Variants in GALNT17 observed in about 807,000 individuals in gnomAD.
The protein encoded by GALNT17 is polypeptide N-acetylgalactosaminyltransferase 17.
A neutral mutation model predicts 63.7 loss-of-function variants in GALNT17; 29 were observed. The observed-to-expected ratio is 0.46, with a 90% CI of 0.34 to 0.62. The LOEUF (loss-of-function observed/expected upper bound fraction) is 0.62. Among genes scored for constraint, GALNT17 ranks in the 20% least tolerant of loss-of-function variants. The pLI, the probability that GALNT17 is intolerant of heterozygous loss-of-function variation, is 0.01. For synonymous variants in GALNT17, 305 were observed against 318.3 expected, an observed-to-expected ratio of 0.96 and a Z score of 0.45; for missense variants, 603 against 799.6, an observed-to-expected ratio of 0.75 and a Z score of 2.97.
intron 1 of GALNT17, among the ~76,000 whole-genome samples, chr7:71,329,780 G>A (rs1791771230): frequency 6.6e-6 from 1 of 151,890 alleles, no homozygotes; most frequent in Non-Finnish European, 1.5e-5. Flanking sequence ...CTCCCATCAG[G>A]TCCCTACCCC....
intron 6 of GALNT17, among the ~76,000 whole-genome samples, chr7:71,620,814 C>T (rs539083369): frequency 4.6e-5 from 7 of 152,302 alleles, no homozygotes; most frequent in Non-Finnish European, 8.8e-5. Flanking sequence ...CTGACCTCTT[C>T]AGCTATTCTG....
intron 6 of GALNT17, among the ~76,000 whole-genome samples, chr7:71,580,531 C>G (rs1053199603): frequency 3.3e-5 from 5 of 152,040 alleles, no homozygotes; most frequent in Non-Finnish European, 7.4e-5. Context: ...TTTCTTTTTA[C>G]TAAAAAGATA....
chr7:71,298,166 G>A (rs151261173), intron 1 of GALNT17, among the ~76,000 whole-genome samples: 1,994 of 152,132 alleles, frequency 0.013, 14 homozygotes, highest in Non-Finnish European at 0.018. Flanking sequence ...GATTACAGGC[G>A]TGCGCCACCA....
At chr7:71,514,017 C>A (rs755642098) in intron 5 of GALNT17, among the ~76,000 whole-genome samples, 14 of 152,074 alleles carry the variant, frequency 9.2e-5, no homozygotes, top group Non-Finnish European at 1.6e-4. Context: ...TACAGCAAGA[C>A]TGTCTCTACA....
At chr7:71,434,410 A>G (rs1275200148) in intron 5 of GALNT17, among the ~76,000 whole-genome samples, 2 of 152,158 alleles carry the variant, frequency 1.3e-5, no homozygotes, top group African/African-American at 2.4e-5. Context: ...GGTCAATTGC[A>G]GTGTGTTGTG....
chr7:71,151,538 G>A (rs937138066), intron 1 of GALNT17, among the ~76,000 whole-genome samples: 2 of 151,384 alleles, frequency 1.3e-5, no homozygotes, highest in Non-Finnish European at 2.9e-5. Flanking sequence ...GGAGAATGGC[G>A]TGAACCCAGG....
chr7:71,213,270 C>A (rs1660478077), intron 1 of GALNT17, among the ~76,000 whole-genome samples: 1 of 152,136 alleles, frequency 6.6e-6, no homozygotes, highest in South Asian at 2.1e-4. Context: ...CTCTTGCTGC[C>A]ACCATGTAAG....
At chr7:71,593,259 C>CTTTTT (rs56193714) in intron 6 of GALNT17, among the ~76,000 whole-genome samples, 1 of 70,992 alleles carries the variant, frequency 1.4e-5, no homozygotes, top group African/African-American at 5.6e-5. Context: ...ATTTTTCTTC[C>CTTTTT]TTTTTTTTTT....
rs148129870 is a variant in GALNT17 at position 71,216,236 on chromosome 7, A to AAGAG, written c.238+83210_238+83213dup. ...TGTCACAAACAAACACCAAAACATGAAGAGAGAGAGAGAGAGATGATGTCG... is the reference window on the plus strand; with the variant it reads ...TGTCACAAACAAACACCAAAACATGAAGAGAGAGAGAGAGAGAGAGATGATGTCG... On this transcript the variant is annotated intron_variant, in intron 1 of 10. Coordinates refer to ENST00000333538, the MANE Select transcript of GALNT17 (RefSeq NM_022479.3). Among the ~76,000 whole-genome samples the AAGAG allele has an allele frequency of 7.9e-5, 12 of 150,976 alleles. No individual in the cohort carries two copies. In the East Asian group the frequency reaches 1.2e-3, roughly 15 times the overall value.
chr7:71,150,019 A>T (rs2116210855), intron 1 of GALNT17, among the ~76,000 whole-genome samples: 1 of 152,252 alleles, frequency 6.6e-6, no homozygotes, highest in South Asian at 2.1e-4. Flanking sequence ...GTTGTGTGTC[A>T]TTGCTTAGGC....
chr7:71,614,208 G>C (rs1790165259), intron 6 of GALNT17, among the ~76,000 whole-genome samples: 1 of 152,076 alleles, frequency 6.6e-6, no homozygotes, highest in Admixed American at 6.6e-5. Context: ...GAGCCAAGAA[G>C]TCATAGGGAG....
chr7:71,633,159 G>T (rs1001166057), intron 6 of GALNT17, among the ~76,000 whole-genome samples: 1 of 151,818 alleles, frequency 6.6e-6, no homozygotes. Context: ...GTTCTAGGGG[G>T]TGCTTAAATG....
intron 6 of GALNT17, among the ~76,000 whole-genome samples, chr7:71,637,954 G>A (rs868259894): frequency 3.9e-5 from 6 of 152,238 alleles, no homozygotes; most frequent in African/African-American, 7.2e-5. Context: ...AGGCAGAGCA[G>A]TCCCAAAGGC....
rs564138951 is a variant in GALNT17, at chr7:71,146,879, G to T, written c.238+13839G>T. On this transcript the variant is annotated intron_variant, in intron 1 of 10. Coordinates refer to ENST00000333538, the MANE Select transcript of GALNT17 (RefSeq NM_022479.3). Reference sequence around the variant, plus strand: ...CACGTTCAGACACCAACACACGAGCGTGCTGACAGTTAATGGGGAACAGGG... The same window carrying T: ...CACGTTCAGACACCAACACACGAGCTTGCTGACAGTTAATGGGGAACAGGG... Among the ~76,000 whole-genome samples the T allele has an allele frequency of 3.9e-5, 6 of 152,272 alleles. No individual in the cohort carries two copies. In the East Asian group the frequency reaches 1.2e-3, roughly 29 times the overall value.
rs1791648957 is a variant in GALNT17 at position 71,323,294 on chromosome 7, C to T, written c.239-12256C>T. Among the ~76,000 whole-genome samples, 4 of 152,108 alleles carry T rather than the reference C, an allele frequency of 2.6e-5. No homozygotes were observed. The South Asian group carries it at 8.3e-4, about 32-fold the overall frequency. ...ACCACAAGGTGGTGGACTCTTTGTC[C>T]CTGGGAGAATACAGTATAAGCTGGG... is the stretch of plus-strand genomic sequence containing the variant. On this transcript the variant is annotated intron_variant, in intron 1 of 10. Coordinates refer to ENST00000333538, the MANE Select transcript of GALNT17 (RefSeq NM_022479.3).
chr7:71,449,568 G>A (rs562162206), intron 5 of GALNT17, among the ~76,000 whole-genome samples: 217 of 152,006 alleles, frequency 1.4e-3, no homozygotes, highest in African/African-American at 4.9e-3. Context: ...TACCTTGAAT[G>A]TTTCACCATT....
At chr7:71,517,189 A>T (rs1193073564) in intron 5 of GALNT17, among the ~76,000 whole-genome samples, 2 of 152,166 alleles carry the variant, frequency 1.3e-5, no homozygotes, top group Non-Finnish European at 2.9e-5. Flanking sequence ...GGGCACCAGC[A>T]TGGTCATTTT....
intron 1 of GALNT17, among the ~76,000 whole-genome samples, chr7:71,210,789 G>A (rs1277431771): frequency 2.0e-5 from 3 of 152,136 alleles, no homozygotes; most frequent in South Asian, 2.1e-4. Flanking sequence ...CAGAAAGAGC[G>A]TTTGCTTAGG....
intron 5 of GALNT17, among the ~76,000 whole-genome samples, chr7:71,452,611 T>G (rs1223195824): frequency 6.6e-6 from 1 of 152,190 alleles, no homozygotes; most frequent in Non-Finnish European, 1.5e-5. Flanking sequence ...TTATAATGGC[T>G]GTTGGATAAA....
Sources: gnomAD v4.1 joint callset for allele counts (sites outside exome capture counted in the v4.1 genomes callset) on GRCh38, gnomAD v4.1.1 for gene constraint, MANE v1.5 for transcripts, NCBI Gene and HGNC (gene_info 2026-07-23, HGNC 2026-07-21) for gene names.